Variants in ACER3 observed in about 807,000 individuals in gnomAD.
ACER3 encodes the protein alkCDase 3.
A neutral mutation model predicts 48.9 loss-of-function variants in ACER3; 16 were observed. The observed-to-expected ratio is 0.33, with a 90% CI of 0.22 to 0.50. ACER3 has a LOEUF of 0.50. Ranked by LOEUF, ACER3 falls within the 20% of genes least tolerant of loss-of-function variation. The pLI is 0.98. For synonymous variants in ACER3, 109 were observed against 107.8 expected (o/e 1.01, Z -0.07); for missense variants, 227 against 326.0 (o/e 0.70, Z 2.34).
chr11:76,960,146 C>T (rs1947949425), intron 3 of ACER3, among the ~76,000 whole-genome samples: 1 of 152,112 alleles, frequency 6.6e-6, no homozygotes, highest in Non-Finnish European at 1.5e-5. Context: ...CGCGGTGGCT[C>T]ATGCCTGTAA....
At chr11:76,914,518 T>C (rs1946470627) in intron 1 of ACER3, among the ~76,000 whole-genome samples, 1 of 152,128 alleles carries the variant, frequency 6.6e-6, no homozygotes, top group African/African-American at 2.4e-5. Context: ...CCAGTTAGAA[T>C]GGCGATCATT....
intron 4 of ACER3, among the ~76,000 whole-genome samples, chr11:76,982,330 C>T (rs904839073): frequency 7.3e-5 from 11 of 151,524 alleles, no homozygotes; most frequent in Non-Finnish European, 1.6e-4. Context: ...GATTCTCCTG[C>T]CTCAGCCTCC....
At chr11:76,995,447 T>C (rs930655007) in intron 6 of ACER3, among the ~76,000 whole-genome samples, 1 of 152,186 alleles carries the variant, frequency 6.6e-6, no homozygotes, top group African/African-American at 2.4e-5. Flanking sequence ...CTTTTATTAG[T>C]TGCTTTAGTA....
At chr11:76,925,180 A>G (rs1946794714) in intron 1 of ACER3, among the ~76,000 whole-genome samples, 1 of 152,176 alleles carries the variant, frequency 6.6e-6, no homozygotes, top group Non-Finnish European at 1.5e-5. Flanking sequence ...TGTAAAAGAA[A>G]GAACGATGCG....
chr11:76,881,550 TCA>T (rs1945527852), intron 1 of ACER3, among the ~76,000 whole-genome samples: 2 of 152,178 alleles, frequency 1.3e-5, no homozygotes, highest in Admixed American at 1.3e-4. Flanking sequence ...ACAGCCCACT[TCA>T]TGGACCACTT....
At chr11:76,954,139 G>T (rs1306453574) in intron 2 of ACER3, among the ~76,000 whole-genome samples, 1 of 152,026 alleles carries the variant, frequency 6.6e-6, no homozygotes, top group Non-Finnish European at 1.5e-5. Flanking sequence ...TAGAGACAGG[G>T]TTTCACCATG....
chr11:76,905,801 T>C (rs1466781609), intron 1 of ACER3, among the ~76,000 whole-genome samples: 2 of 152,346 alleles, frequency 1.3e-5, no homozygotes, highest in East Asian at 3.9e-4. Flanking sequence ...TTTTTATTGA[T>C]AAAAGCTATT....
At chr11:76,883,413 T>C (rs1365540948) in intron 1 of ACER3, among the ~76,000 whole-genome samples, 1 of 151,352 alleles carries the variant, frequency 6.6e-6, no homozygotes, top group African/African-American at 2.4e-5. Flanking sequence ...CATTTTGGCG[T>C]TGCTTCTTTT....
In ACER3 at chr11:76,953,250, C is replaced by T. The variant is rs1947733403; in HGVS notation, c.215-5729C>T. On this transcript the variant is annotated intron_variant, in intron 2 of 10. Coordinates refer to ENST00000532485, the MANE Select transcript of ACER3 (RefSeq NM_018367.7). ...TTAAGCTAGCAGTTAAAGCAGGATG[C>T]ACACACTGCAGGGAATGAAAACAAT... Among the ~76,000 whole-genome samples the T allele has an allele frequency of 3.3e-5, 5 of 152,134 alleles. No homozygotes were observed. The South Asian group carries it at 1.0e-3, about 31-fold the overall frequency.
At position 77,024,490 on chromosome 11, in the gene ACER3, T is replaced by A. The variant is rs1949523448; in HGVS notation, c.*4163T>A. 6.6e-6 allele frequency: 1 copy of A among 152,120 alleles called. No homozygotes were observed. Among genetic ancestry groups the A allele is most frequent in the South Asian group, 2.1e-4 (1 of 4,828 alleles). 9.4% of individuals were successfully genotyped at this position (152,120 alleles called of 1,614,324 possible). ...GAAATTCAAACTGAAGATAAAACTC[T>A]GACTTTGGAGTATAAACTTTTGCCT... On this transcript the variant is annotated 3_prime_UTR_variant, in exon 11 of 11. Coordinates refer to ENST00000532485, the MANE Select transcript of ACER3 (RefSeq NM_018367.7).
intron 1 of ACER3, among the ~76,000 whole-genome samples, chr11:76,888,986 T>C (rs1272398665): frequency 6.6e-6 from 1 of 152,226 alleles, no homozygotes; most frequent in Non-Finnish European, 1.5e-5. Flanking sequence ...CTTTTTACCC[T>C]GTAACCAGGT....
intron 6 of ACER3, among the ~76,000 whole-genome samples, chr11:76,995,845 C>T (rs570018859): frequency 1.0e-3 from 156 of 152,258 alleles, no homozygotes; most frequent in Middle Eastern, 0.01. Context: ...TCCATCATTT[C>T]GTATGCTCAA....
chr11:76,938,135 T>G (rs1947245837), intron 2 of ACER3, among the ~76,000 whole-genome samples: 1 of 152,112 alleles, frequency 6.6e-6, no homozygotes, highest in Non-Finnish European at 1.5e-5. Context: ...CACCTTGGTC[T>G]TCCTAGTAGT....
chr11:76,934,460 C>G (rs963383162), intron 2 of ACER3, among the ~76,000 whole-genome samples: 1 of 152,372 alleles, frequency 6.6e-6, no homozygotes, highest in Non-Finnish European at 1.5e-5. Context: ...CCGAGGCTGG[C>G]GGATCACTTG....
At chr11:76,956,336 C>T (rs1947839338) in intron 2 of ACER3, among the ~76,000 whole-genome samples, 1 of 152,098 alleles carries the variant, frequency 6.6e-6, no homozygotes, top group South Asian at 2.1e-4. Flanking sequence ...TGCAGGAGAG[C>T]ACTTTTTAAA....
intron 3 of ACER3, among the ~76,000 whole-genome samples, chr11:76,973,908 T>G (rs914926501): frequency 5.3e-5 from 8 of 152,214 alleles, no homozygotes; most frequent in African/African-American, 1.9e-4. Context: ...TTATGTGGTA[T>G]GAGGTAGGGG....
intron 1 of ACER3, among the ~76,000 whole-genome samples, chr11:76,893,063 G>C (rs548045862): frequency 6.6e-6 from 1 of 152,132 alleles, no homozygotes; most frequent in South Asian, 2.1e-4. Flanking sequence ...GTTTATATTA[G>C]CTACAAAAAA....
At chr11:76,897,185 G>T (rs938379386) in intron 1 of ACER3, among the ~76,000 whole-genome samples, 10 of 152,228 alleles carry the variant, frequency 6.6e-5, no homozygotes, top group African/African-American at 2.4e-4. Context: ...TCAAACACCT[G>T]GCCTCAAGTG....
At chr11:76,880,254 ATCTT>A (rs1945489092) in intron 1 of ACER3, among the ~76,000 whole-genome samples, 1 of 151,944 alleles carries the variant, frequency 6.6e-6, no homozygotes, top group African/African-American at 2.4e-5. Context: ...CTGATTTTAG[ATCTT>A]TCTTTGTTAA....
Sources: allele counts gnomAD v4.1 joint callset (sites outside exome capture counted in the v4.1 genomes callset), GRCh38; gene constraint gnomAD v4.1.1; transcripts MANE v1.5; gene names NCBI Gene and HGNC (gene_info 2026-07-23, HGNC 2026-07-21).